UBE2L3: variants seen among roughly 807,000 people sequenced by gnomAD.
UBE2L3 encodes ubiquitin-conjugating enzyme E2 L3.
A neutral mutation model predicts 17.8 loss-of-function variants in UBE2L3; 1 was observed. That is an observed-to-expected ratio of 0.06 (90% confidence interval 0.02 to 0.27). The LOEUF (loss-of-function observed/expected upper bound fraction) is 0.27. Ranked by LOEUF, UBE2L3 falls within the 10% of genes least tolerant of loss-of-function variation. UBE2L3 has a pLI of 1.00. For missense variants in UBE2L3, 40 were observed against 192.6 expected, an observed-to-expected ratio of 0.21 and a Z score of 4.69; for synonymous variants, 44 against 68.5, an observed-to-expected ratio of 0.64 and a Z score of 1.76.
intron 3 of UBE2L3, among the ~76,000 whole-genome samples, chr22:21,617,504 C>G (rs1025646043): frequency 6.6e-6 from 1 of 152,092 alleles, no homozygotes; most frequent in Non-Finnish European, 1.5e-5. Flanking sequence ...TGAGCTCAGA[C>G]AGTCTGCCCA....
intron 3 of UBE2L3, among the ~76,000 whole-genome samples, chr22:21,615,370 A>T (rs973007898): frequency 1.3e-5 from 2 of 151,816 alleles, no homozygotes; most frequent in African/African-American, 4.8e-5. Context: ...CCTGGCTAAC[A>T]TGGTGAAACC....
chr22:21,552,658 C>T, intron 1 of UBE2L3, among the ~76,000 whole-genome samples: 1 of 43,208 alleles, frequency 2.3e-5, no homozygotes, highest in Non-Finnish European at 4.5e-5. Context: ...CCGGAACCCA[C>T]AGAACATGCC....
chr22:21,590,938 T>A (rs544502280), intron 1 of UBE2L3, among the ~76,000 whole-genome samples: 1 of 152,238 alleles, frequency 6.6e-6, no homozygotes, highest in African/African-American at 2.4e-5. Flanking sequence ...GGACCAGGGC[T>A]TCCTGATCCC....
chr22:21,586,354 T>C (rs1927933347), intron 1 of UBE2L3, among the ~76,000 whole-genome samples: 1 of 151,906 alleles, frequency 6.6e-6, no homozygotes, highest in Admixed American at 6.6e-5. Context: ...CAACCTCCAC[T>C]TCCCAGGTTC....
rs1930183473 is a variant in UBE2L3 at position 21,623,954 on chromosome 22, C to T, written c.*2285C>T. The T allele has an allele frequency of 6.6e-6, 1 of 152,352 alleles. No individual in the cohort carries two copies. The highest frequency in any genetic ancestry group is 1.5e-5 in the Non-Finnish European group (1 of 68,112). The allele number at this position is 152,352 out of a possible 1,614,324, so 9.4% of individuals were successfully genotyped here. ...TGGGTCCTTCCCTCTGCTCCCTACT[C>T]CCCACCACGGCAGAGAATAGGCTTT... On this transcript the variant is annotated 3_prime_UTR_variant, in exon 4 of 4. Transcript: ENST00000342192.
chr22:21,615,365 C>T (rs1223888937), intron 3 of UBE2L3, among the ~76,000 whole-genome samples: 1 of 151,798 alleles, frequency 6.6e-6, no homozygotes, highest in Non-Finnish European at 1.5e-5. Context: ...ACCATCCTGG[C>T]TAACATGGTG....
At chr22:21,617,067 G>A (rs1482871303) in intron 3 of UBE2L3, among the ~76,000 whole-genome samples, 2 of 150,572 alleles carry the variant, frequency 1.3e-5, no homozygotes, top group African/African-American at 2.4e-5. Context: ...AAAATTAGCC[G>A]GGCGTGGTTG....
At chr22:21,585,109 G>GT (rs1927865720) in intron 1 of UBE2L3, among the ~76,000 whole-genome samples, 1 of 152,136 alleles carries the variant, frequency 6.6e-6, no homozygotes, top group South Asian at 2.1e-4. Flanking sequence ...ATTGTTCCTG[G>GT]TAGGACATGG....
At chr22:21,587,338 G>A (rs1399892570) in intron 1 of UBE2L3, among the ~76,000 whole-genome samples, 2 of 152,024 alleles carry the variant, frequency 1.3e-5, no homozygotes, top group Non-Finnish European at 2.9e-5. Context: ...CTACAGGCAG[G>A]CGCCACCATG....
upstream of UBE2L3, among the ~76,000 whole-genome samples, chr22:21,565,539 G>A (rs1337949526): frequency 6.6e-6 from 1 of 150,946 alleles, no homozygotes; most frequent in Non-Finnish European, 1.5e-5. Flanking sequence ...ATCACTTGAG[G>A]TCAGGAGTTC....
intron 3 of UBE2L3, among the ~76,000 whole-genome samples, chr22:21,618,129 T>A (rs1269785819): frequency 6.6e-6 from 1 of 151,968 alleles, no homozygotes; most frequent in African/African-American, 2.4e-5. Flanking sequence ...TTCAGTGAGC[T>A]GAGATTGTGC....
intron 1 of UBE2L3, among the ~76,000 whole-genome samples, chr22:21,569,123 G>T (rs1215568877): frequency 6.6e-6 from 1 of 150,588 alleles, no homozygotes; most frequent in Non-Finnish European, 1.5e-5. Flanking sequence ...GGCCGGGCGC[G>T]ATGGCTCACG....
chr22:21,567,661 C>T, upstream of UBE2L3: 2 of 1,548,580 alleles, frequency 1.3e-6, no homozygotes, highest in Non-Finnish European at 1.7e-6. Flanking sequence ...CCCGCGGCCC[C>T]TCCCCCGCTC....
intron 3 of UBE2L3, 124 bp from the exon 4 acceptor site, chr22:21,621,391 C>G: frequency 3.1e-6 from 4 of 1,275,256 alleles, no homozygotes; most frequent in Non-Finnish European, 4.2e-6. Context: ...GCAGCTTTGG[C>G]TTAAAAGCAC....
intron 1 of UBE2L3, among the ~76,000 whole-genome samples, chr22:21,586,991 T>G (rs1927979261): frequency 6.6e-6 from 1 of 150,502 alleles, no homozygotes; most frequent in South Asian, 2.2e-4. Flanking sequence ...GTTCAAGCAA[T>G]TCTCATGCCT....
intron 3 of UBE2L3, among the ~76,000 whole-genome samples, chr22:21,621,223 C>T (rs1454909956): frequency 6.6e-6 from 1 of 152,166 alleles, no homozygotes; most frequent in African/African-American, 2.4e-5. Context: ...GGGCTAAGAC[C>T]TCCCCAGGTG....
intron 3 of UBE2L3, among the ~76,000 whole-genome samples, chr22:21,612,143 C>G (rs1373183333): frequency 1.3e-5 from 2 of 152,164 alleles, no homozygotes; most frequent in Non-Finnish European, 2.9e-5. Context: ...TCAAGCCTCA[C>G]TTGTTGGAAG....
At chr22:21,620,404 C>G (rs1929986905) in intron 3 of UBE2L3, among the ~76,000 whole-genome samples, 2 of 152,088 alleles carry the variant, frequency 1.3e-5, no homozygotes, top group Non-Finnish European at 2.9e-5. Context: ...GCACTCCAGT[C>G]TGAGTGACAG....
intron 3 of UBE2L3, among the ~76,000 whole-genome samples, chr22:21,612,702 G>T (rs1368287195): frequency 1.7e-5 from 2 of 120,386 alleles, no homozygotes; most frequent in Non-Finnish European, 3.2e-5. Context: ...GGAGTGCAGT[G>T]ATGCCATCCC....
Sources: allele counts gnomAD v4.1 joint callset (sites outside exome capture counted in the v4.1 genomes callset), GRCh38; gene constraint gnomAD v4.1.1; transcripts MANE v1.5; gene names NCBI Gene and HGNC (gene_info 2026-07-23, HGNC 2026-07-21).